PTPRD: variants seen among roughly 807,000 people sequenced by gnomAD.
PTPRD encodes the protein receptor-type tyrosine-protein phosphatase delta.
Under a neutral mutation model 214.5 loss-of-function variants are expected in PTPRD, and 34 were observed. The ratio of observed to expected loss-of-function variants is 0.16; its 90% CI spans 0.12 to 0.21. PTPRD has a LOEUF of 0.21. Among genes scored for constraint, PTPRD ranks in the 10% least tolerant of loss-of-function variants. The pLI, the probability that PTPRD is intolerant of heterozygous loss-of-function variation, is 1.00. For synonymous variants in PTPRD, 1,128 were observed against 845.7 expected, an observed-to-expected ratio of 1.33 and a Z score of -5.79; for missense variants, 2,545 against 2,398.7, an observed-to-expected ratio of 1.06 and a Z score of -1.27.
intron 11 of PTPRD, among the ~76,000 whole-genome samples, chr9:8,848,853 G>A (rs2097759151): frequency 7.8e-6 from 1 of 128,236 alleles, no homozygotes; most frequent in East Asian, 2.1e-4. Flanking sequence ...ACCCTCTTCT[G>A]TGAAATGATG....
intron 9 of PTPRD, among the ~76,000 whole-genome samples, chr9:9,285,860 A>T (rs1337870172): frequency 6.6e-6 from 1 of 151,796 alleles, no homozygotes; most frequent in Admixed American, 6.6e-5. Flanking sequence ...TGAAAGCTCT[A>T]TATCTATCTA....
At chr9:8,329,274 C>T (rs530196078) in intron 44 of PTPRD, among the ~76,000 whole-genome samples, 1 of 152,234 alleles carries the variant, frequency 6.6e-6, no homozygotes, top group African/African-American at 2.4e-5. Context: ...AACAAACACC[C>T]AGGCCTCTCT....
chr9:9,013,760 A>G (rs9657636), intron 11 of PTPRD, among the ~76,000 whole-genome samples: 10,790 of 152,204 alleles, frequency 0.071, 489 homozygotes, highest in African/African-American at 0.13. Context: ...ATGGGGATGT[A>G]CCCACTGTTT....
intron 29 of PTPRD, among the ~76,000 whole-genome samples, chr9:8,484,591 C>G (rs1038986822): frequency 4.9e-5 from 6 of 122,260 alleles, no homozygotes; most frequent in African/African-American, 7.2e-5. Flanking sequence ...CCAAGTCTAT[C>G]AAAAATACAC....
chr9:8,365,726 G>C (rs1181337103), intron 39 of PTPRD, among the ~76,000 whole-genome samples: 1 of 152,110 alleles, frequency 6.6e-6, no homozygotes, highest in African/African-American at 2.4e-5. Flanking sequence ...TTAAACCAAG[G>C]AATGCAGCAA....
intron 34 of PTPRD, among the ~76,000 whole-genome samples, chr9:8,443,046 G>C (rs1196377349): frequency 6.6e-6 from 1 of 152,222 alleles, no homozygotes; most frequent in Non-Finnish European, 1.5e-5. Flanking sequence ...TTGGGAGGTT[G>C]AGGTGGGTGG....
chr9:9,247,708 C>T (rs1407899452), intron 9 of PTPRD, among the ~76,000 whole-genome samples: 1 of 152,092 alleles, frequency 6.6e-6, no homozygotes, highest in Non-Finnish European at 1.5e-5. Flanking sequence ...GTCACCTCTT[C>T]TGACCCTTGA....
At chr9:8,343,518 T>C (rs2132638314) in intron 39 of PTPRD, among the ~76,000 whole-genome samples, 1 of 152,150 alleles carries the variant, frequency 6.6e-6, no homozygotes. Context: ...TTGAGATCCA[T>C]GAAGTCTCAT....
At chr9:10,307,076 T>C (rs1248222924) in intron 3 of PTPRD, among the ~76,000 whole-genome samples, 2 of 152,164 alleles carry the variant, frequency 1.3e-5, no homozygotes, top group African/African-American at 2.4e-5. Flanking sequence ...GTTGGAAACA[T>C]TTCCAGTTCT....
intron 21 of PTPRD, among the ~76,000 whole-genome samples, chr9:8,513,597 T>C (rs766992581): frequency 6.6e-6 from 1 of 152,088 alleles, no homozygotes; most frequent in African/African-American, 2.4e-5. Flanking sequence ...TAAATTTTTA[T>C]AGGGTTAGAG....
chr9:9,818,097 T>A (rs949723796), intron 5 of PTPRD, among the ~76,000 whole-genome samples: 4 of 152,134 alleles, frequency 2.6e-5, no homozygotes, highest in African/African-American at 9.7e-5. Context: ...TAGCTGATAA[T>A]CCATCTAAAT....
Position 10,398,400 on chromosome 9 carries a change from T to C in PTPRD, c.-599-57383A>G, listed in dbSNP as rs533443283. On this transcript the variant is annotated intron_variant, in intron 2 of 45. Transcript: ENST00000381196. ...ATCTATATCTATATCTACCTATATCTATATATATATTTGTATAACTGTATT... is the reference window on the plus strand; with the variant it reads ...ATCTATATCTATATCTACCTATATCCATATATATATTTGTATAACTGTATT... 8.0e-5 allele frequency among the ~76,000 whole-genome samples: 11 copies of C among 138,242 alleles called. No homozygotes were observed. The South Asian group carries it at 2.8e-3, about 35-fold the overall frequency. The allele number at this position is 138,242 out of a possible 152,430, so 90.7% of individuals were successfully genotyped here.
intron 7 of PTPRD, among the ~76,000 whole-genome samples, chr9:9,710,983 T>C (rs1384722642): frequency 6.6e-6 from 1 of 152,066 alleles, no homozygotes; most frequent in Non-Finnish European, 1.5e-5. Context: ...AGCGTGTGTG[T>C]GTGTGTGTGT....
chr9:8,792,869 A>T (rs2096281171), intron 11 of PTPRD, among the ~76,000 whole-genome samples: 2 of 152,102 alleles, frequency 1.3e-5, no homozygotes, highest in South Asian at 4.2e-4. Flanking sequence ...ACTGCTAAAA[A>T]GTAATATGAT....
At chr9:9,131,010 A>AT (rs1357748565) in intron 10 of PTPRD, among the ~76,000 whole-genome samples, 4 of 152,068 alleles carry the variant, frequency 2.6e-5, no homozygotes, top group Non-Finnish European at 4.4e-5. Flanking sequence ...CTAATACAAG[A>AT]TTTTTTTAAA....
chr9:9,063,820 G>A (rs1020626260), intron 10 of PTPRD, among the ~76,000 whole-genome samples: 1 of 152,156 alleles, frequency 6.6e-6, no homozygotes, highest in Non-Finnish European at 1.5e-5. Flanking sequence ...AAAGTATCCG[G>A]CAGTTTTCCC....
At chr9:9,563,541 C>T (rs1379038298) in intron 8 of PTPRD, among the ~76,000 whole-genome samples, 9 of 152,086 alleles carry the variant, frequency 5.9e-5, no homozygotes, top group Non-Finnish European at 1.3e-4. Context: ...AATTCCAGAA[C>T]TCAGGGACAG....
intron 8 of PTPRD, among the ~76,000 whole-genome samples, chr9:9,465,614 G>T (rs1033554649): frequency 6.6e-6 from 1 of 152,182 alleles, no homozygotes; most frequent in Admixed American, 6.5e-5. Flanking sequence ...CCAAATTCCT[G>T]ATTTTTGAGA....
chr9:8,932,144 G>A (rs535891486), intron 11 of PTPRD, among the ~76,000 whole-genome samples: 8 of 151,994 alleles, frequency 5.3e-5, no homozygotes, highest in Admixed American at 2.0e-4. Flanking sequence ...AGGGTTTTTC[G>A]TGTCTGTATC....
Sources: gnomAD v4.1 joint callset for allele counts (sites outside exome capture counted in the v4.1 genomes callset) on GRCh38, gnomAD v4.1.1 for gene constraint, MANE v1.5 for transcripts, NCBI Gene and HGNC (gene_info 2026-07-23, HGNC 2026-07-21) for gene names.